CTR9: variants seen among roughly 807,000 people sequenced by gnomAD.
CTR9 encodes RNA polymerase-associated protein CTR9 homolog.
Under a neutral mutation model 152.1 loss-of-function variants are expected in CTR9, and 41 were observed. That is an observed-to-expected ratio of 0.27 (90% confidence interval 0.21 to 0.35). The LOEUF (loss-of-function observed/expected upper bound fraction) is 0.35. Ranked by LOEUF, CTR9 falls within the 10% of genes least tolerant of loss-of-function variation. CTR9 has a pLI of 1.00. For synonymous variants in CTR9, 476 were observed against 496.2 expected (o/e 0.96, Z 0.54); for missense variants, 917 against 1,424.4 (o/e 0.64, Z 5.73).
chr11:10,779,086 G>C lies in CTR9; in HGVS notation c.3503G>C (p.Gly1168Ala). 1 of 1,611,718 alleles carries C rather than the reference G, an allele frequency of 6.2e-7. No homozygotes were observed. Among genetic ancestry groups the C allele is most frequent in the Non-Finnish European group, 8.5e-7 (1 of 1,178,266 alleles). Residue 1168 changes from glycine to alanine, a missense_variant, in exon 25 of 25, where the codon GGG becomes GCG. Around this residue, in one of 9 missense-constraint regions of CTR9, gnomAD observed 384 missense variants for 398.4 expected, o/e 0.96. Transcript: ENST00000361367. ...GCCTCAGATAGAGGCTCAGAACATG[G>C]GTCAGATGATAGTGACTAGGTTTTA... ...NEASDRGSEHGSDDSD is the reference protein window; with the variant it reads ...NEASDRGSEHASDDSD
At chr11:10,773,514 T>A (rs1292048574) in intron 21 of CTR9, among the ~76,000 whole-genome samples, 2 of 152,170 alleles carry the variant, frequency 1.3e-5, no homozygotes, top group Non-Finnish European at 2.9e-5. Context: ...TTTTGCAGTT[T>A]TAACCAGTTG....
chr11:10,774,254 T>C (rs1863194562), intron 22 of CTR9, 85 bp downstream of exon 22: 3 of 1,487,004 alleles, frequency 2.0e-6, no homozygotes, highest in Non-Finnish European at 2.7e-6. Flanking sequence ...ATGTTTAGAA[T>C]TGATGAACAC....
At chr11:10,758,281 G>A (rs1245842006) in intron 5 of CTR9, among the ~76,000 whole-genome samples, 1 of 152,190 alleles carries the variant, frequency 6.6e-6, no homozygotes, top group Non-Finnish European at 1.5e-5. Context: ...TGAGACTAGA[G>A]TGGGGCTCAA....
At position 10,752,839 on chromosome 11, in the gene CTR9, A is replaced by G. The variant is rs149264597; in HGVS notation, c.144+69A>G. 78 of 1,245,002 alleles carry G rather than the reference A, an allele frequency of 6.3e-5. No homozygotes were observed. The African/African-American group carries it at 8.1e-4, about 13-fold the overall frequency. The allele number at this position is 1,245,002 out of a possible 1,614,324, so 77.1% of individuals were successfully genotyped here. On this transcript the variant is annotated intron_variant, in intron 2 of 24. Coordinates refer to ENST00000361367, the MANE Select transcript of CTR9 (RefSeq NM_014633.5). ...AAATATGTAGTTTCTGTTTTCAGAT[A>G]TAGTAATAGCCAGCTTGGCTGCATG... is the stretch of plus-strand genomic sequence containing the variant.
Position 10,765,713 on chromosome 11 carries a change from T to C in CTR9, c.1598-689T>C, listed in dbSNP as rs150783170. On this transcript the variant is annotated intron_variant, in intron 12 of 24. Coordinates refer to ENST00000361367, the MANE Select transcript of CTR9 (RefSeq NM_014633.5). Reference sequence around the variant, plus strand: ...CTGACTTCAGGTGATCCATCCACCATGGCCTCCCAAAGTGCTGGGATTATA... The same window carrying C: ...CTGACTTCAGGTGATCCATCCACCACGGCCTCCCAAAGTGCTGGGATTATA... 7.7e-3 allele frequency among the ~76,000 whole-genome samples: 1,178 copies of C among 152,316 alleles called. 18 individuals carry two copies. Among genetic ancestry groups the C allele is most frequent in the African/African-American group, 0.027 (1,124 of 41,580 alleles).
At chr11:10,777,602 CA>C (rs2135388023) in intron 24 of CTR9, among the ~76,000 whole-genome samples, 1 of 152,148 alleles carries the variant, frequency 6.6e-6, no homozygotes, top group South Asian at 2.1e-4. Flanking sequence ...CAGAAAGGTC[CA>C]TTGTGAGAGG....
intron 7 of CTR9, among the ~76,000 whole-genome samples, chr11:10,763,007 CAAAAA>C (rs765448315): frequency 1.8e-5 from 2 of 114,224 alleles, no homozygotes; most frequent in Non-Finnish European, 3.8e-5. Flanking sequence ...GACCCTGTCT[CAAAAA>C]AAAAAAAAAG....
chr11:10,774,867 T>TGGGAAAGAAGGAAGAGGAA (rs1863205518), intron 22 of CTR9, among the ~76,000 whole-genome samples: 1 of 152,106 alleles, frequency 6.6e-6, no homozygotes. Context: ...AATCAATAGT[T>TGGGAAAGAAGGAAGAGGAA]GGGAAAGAAG....
Position 10,772,501 on chromosome 11 carries a change from T to C in CTR9, c.2445-19T>C. 1.4e-6 allele frequency: 2 copies of C among 1,419,680 alleles called. No homozygotes were observed. The highest frequency in any genetic ancestry group is 1.9e-6 in the Non-Finnish European group (2 of 1,076,786). 87.9% of individuals were successfully genotyped at this position (1,419,680 alleles called of 1,614,324 possible). On this transcript the variant is annotated intron_variant, in intron 19 of 24. Transcript: ENST00000361367. ...TATAGTAGTTACATTCATGTTTCTC[T>C]AAACCTGAAATGTTCTAGGCAGTGT... is the stretch of plus-strand genomic sequence containing the variant.
chr11:10,751,506 GC>G, intron 1 of CTR9, 49 bp downstream of exon 1: 2 of 1,573,112 alleles, frequency 1.3e-6, no homozygotes. Context: ...TTGTACGATC[GC>G]CCCCACCGAC....
At position 10,773,993 on chromosome 11, in the gene CTR9, A is replaced by G. The variant is rs374726947; in HGVS notation, c.2728-19A>G. On this transcript the variant is annotated intron_variant, in intron 21 of 24. Coordinates refer to ENST00000361367, the MANE Select transcript of CTR9 (RefSeq NM_014633.5). ...CACCAACCAGGAAATAACTGACTAT[A>G]GTGTTGTTTGGATTTTAGCGTTCTA... The G allele has an allele frequency of 6.3e-7, 1 of 1,591,204 alleles. No homozygotes were observed. Among genetic ancestry groups the G allele is most frequent in the Non-Finnish European group, 8.6e-7 (1 of 1,163,740 alleles).
At chr11:10,760,050 G>A in intron 5 of CTR9, 123 bp from the exon 6 acceptor site, 3 of 995,436 alleles carry the variant, frequency 3.0e-6, no homozygotes, top group Non-Finnish European at 4.5e-6. Context: ...ATTCTGTAGT[G>A]TAGTTATACT....
In CTR9 at chr11:10,770,627, A is replaced by C; in HGVS notation, c.2367A>C (p.Ala789=). 1 of 1,608,792 alleles carries C rather than the reference A, an allele frequency of 6.2e-7. No individual in the cohort carries two copies. Among genetic ancestry groups the C allele is most frequent in the African/African-American group, 1.3e-5 (1 of 74,678 alleles). The change falls in exon 18 of 25, where the codon GCA becomes GCC. Residue 789 remains alanine, a synonymous_variant. Transcript: ENST00000361367. Reference sequence around the variant, plus strand: ...ATGCTGTGAAAGAACTGGAGCTTGCACATAGGTAAAGATTTTGTAGAAACA... The same window carrying C: ...ATGCTGTGAAAGAACTGGAGCTTGCCCATAGGTAAAGATTTTGTAGAAACA... ...VLNAVKELEL[A]HRYFSYLSKV... is the part of the protein sequence containing the mutation.
intron 24 of CTR9, 124 bp downstream of exon 24, chr11:10,775,757 G>C: frequency 1.7e-6 from 1 of 604,524 alleles, no homozygotes; most frequent in Non-Finnish European, 2.7e-6. Flanking sequence ...ATAATAAGAG[G>C]GGTGGGGACA....
At chr11:10,758,063 G>A (rs1409371405) in intron 5 of CTR9, among the ~76,000 whole-genome samples, 2 of 152,248 alleles carry the variant, frequency 1.3e-5, no homozygotes, top group Admixed American at 6.5e-5. Context: ...CATTGTTTCT[G>A]GAATAGAGAG....
In CTR9 at chr11:10,767,241, A is replaced by C. The variant is rs1863074748; in HGVS notation, c.1687-565A>C. ...CTGCAGCTGTAGATTCTCACTGTGA[A>C]TCCCATGCTTGCTCATGCCTAAGGG... is the stretch of plus-strand genomic sequence containing the variant. On this transcript the variant is annotated intron_variant, in intron 13 of 24. Transcript: ENST00000361367. The surrounding 1 kb of genome is among the most constrained non-coding windows in gnomAD (Gnocchi z 4.0). 6.5e-6 allele frequency: 1 copy of C among 152,908 alleles called. No homozygotes were observed. The highest frequency in any genetic ancestry group is 1.5e-5 in the Non-Finnish European group (1 of 68,246). The allele number at this position is 152,908 out of a possible 1,614,324, so 9.5% of individuals were successfully genotyped here. A position where few individuals can be genotyped will look rare whatever the true frequency, so the allele number is the denominator to read the frequency against.
At chr11:10,758,055 T>C (rs148182066) in intron 5 of CTR9, among the ~76,000 whole-genome samples, 3 of 151,896 alleles carry the variant, frequency 2.0e-5, no homozygotes, top group East Asian at 3.9e-4. Context: ...AAGGAGGCCA[T>C]TGTTTCTGGA....
At chr11:10,766,984 A>G (rs1053268816) in intron 13 of CTR9, 2 of 152,718 alleles carry the variant, frequency 1.3e-5, no homozygotes, top group African/African-American at 2.4e-5. Context: ...TGAAAGTTTC[A>G]CAAATCATTA....
chr11:10,775,489 T>G, intron 23 of CTR9, 32 bp from the exon 24 acceptor site: 1 of 1,567,038 alleles, frequency 6.4e-7, no homozygotes, highest in Non-Finnish European at 8.8e-7. Context: ...TGTAAGAGTC[T>G]TGACTAATCT....
Sources: gnomAD v4.1 joint callset for allele counts (sites outside exome capture counted in the v4.1 genomes callset) on GRCh38, gnomAD v4.1.1 for gene constraint, gnomAD v4.1.1 regional missense constraint, Gnocchi (gnomAD v3.1) non-coding constraint, MANE v1.5 for transcripts, NCBI Gene and HGNC (gene_info 2026-07-23, HGNC 2026-07-21) for gene names.